The following CCDC172 variants were observed in gnomAD, a reference collection of about 807,000 sequenced individuals.
CCDC172 encodes the protein coiled-coil domain containing 172, also known as coiled-coil domain-containing protein 172.
Under a neutral mutation model 38.0 loss-of-function variants are expected in CCDC172, and 30 were observed. The observed-to-expected ratio is 0.79, with a 90% CI of 0.59 to 1.07. CCDC172 has a LOEUF of 1.07. Ranked by LOEUF, CCDC172 falls within the 50% of genes least tolerant of loss-of-function variation. The pLI, the probability that CCDC172 is intolerant of heterozygous loss-of-function variation, is 0.00. For missense variants in CCDC172, 297 were observed against 290.1 expected (o/e 1.02, Z -0.17); for synonymous variants, 78 against 88.3 (o/e 0.88, Z 0.66).
chr10:116,361,584 T>C (rs1279137374), intron 7 of CCDC172, among the ~76,000 whole-genome samples: 1 of 151,948 alleles, frequency 6.6e-6, no homozygotes, highest in Non-Finnish European at 1.5e-5. Flanking sequence ...GACAGGGCAA[T>C]AAGAACAAAA....
chr10:116,372,553 T>C (rs1167996650), intron 7 of CCDC172, among the ~76,000 whole-genome samples: 3 of 152,168 alleles, frequency 2.0e-5, no homozygotes, highest in Non-Finnish European at 4.4e-5. Flanking sequence ...CTATGTATCC[T>C]CTTCGGTCTG....
At chr10:116,343,815 T>C (rs1844830533) in intron 5 of CCDC172, among the ~76,000 whole-genome samples, 1 of 152,174 alleles carries the variant, frequency 6.6e-6, no homozygotes, top group South Asian at 2.1e-4. Context: ...ATTCTTAAAC[T>C]TCTTGGCCCT....
intron 5 of CCDC172, among the ~76,000 whole-genome samples, chr10:116,344,644 G>C (rs1314057214): frequency 6.6e-6 from 1 of 151,932 alleles, no homozygotes; most frequent in Non-Finnish European, 1.5e-5. Context: ...GTGTATTTAG[G>C]CTACACTAAG....
At chr10:116,357,991 A>G in intron 7 of CCDC172, 53 bp downstream of exon 7, 2 of 938,768 alleles carry the variant, frequency 2.1e-6, no homozygotes, top group Non-Finnish European at 3.4e-6. Flanking sequence ...TTCAAGTTAA[A>G]TAGATTTCAG....
At position 116,325,030 on chromosome 10, in the gene CCDC172, T is replaced by G. The variant is rs766378662; in HGVS notation, c.19T>G (p.Phe7Val). The change falls in exon 2 of 9, where the codon TTT becomes GTT. Residue 7 changes from phenylalanine to valine, a missense_variant. Coordinates refer to ENST00000333254, the MANE Select transcript of CCDC172 (RefSeq NM_198515.3). ...CCCTGAGATGAGCTTGGAGTCCCTG[T>G]TTCAGCACATCATCTTCACCGAGCA... The part of the protein sequence containing the change: MSLESL[F>V]QHIIFTEHQA... 6.2e-7 allele frequency: 1 copy of G among 1,614,094 alleles called. No homozygotes were observed. The highest frequency in any genetic ancestry group is 1.7e-5 in the Admixed American group (1 of 60,026).
At chr10:116,377,422 A>C (rs1165146113) in intron 7 of CCDC172, among the ~76,000 whole-genome samples, 1 of 152,122 alleles carries the variant, frequency 6.6e-6, no homozygotes, top group African/African-American at 2.4e-5. Flanking sequence ...ATAAACTTTA[A>C]CAACTCCAAA....
At chr10:116,352,864 T>C (rs1787903245) in intron 5 of CCDC172, among the ~76,000 whole-genome samples, 1 of 151,848 alleles carries the variant, frequency 6.6e-6, no homozygotes, top group African/African-American at 2.4e-5. Context: ...ATCTCGTATA[T>C]AGAAAACCTA....
chr10:116,374,798 G>A (rs990280371), intron 7 of CCDC172, among the ~76,000 whole-genome samples: 2 of 150,876 alleles, frequency 1.3e-5, no homozygotes, highest in Admixed American at 1.3e-4. Context: ...AATATGCCAA[G>A]TAAAAGACAG....
At chr10:116,348,673 A>C (rs1273685845) in intron 5 of CCDC172, among the ~76,000 whole-genome samples, 1 of 152,102 alleles carries the variant, frequency 6.6e-6, no homozygotes, top group Non-Finnish European at 1.5e-5. Context: ...GTTCTGTTTA[A>C]ATATGGCAAA....
intron 5 of CCDC172, among the ~76,000 whole-genome samples, chr10:116,346,793 G>A (rs1420174971): frequency 2.0e-5 from 3 of 151,996 alleles, no homozygotes. Context: ...CTTTCAGAAA[G>A]TCTGTTTCTA....
chr10:116,328,812 A>G (rs1035436279), intron 3 of CCDC172, among the ~76,000 whole-genome samples: 16 of 152,182 alleles, frequency 1.1e-4, no homozygotes, highest in Non-Finnish European at 2.1e-4. Flanking sequence ...AGGCAAAGTC[A>G]TATCCTTTAG....
At chr10:116,364,329 T>C (rs1242593106) in intron 7 of CCDC172, among the ~76,000 whole-genome samples, 2 of 152,194 alleles carry the variant, frequency 1.3e-5, no homozygotes, top group Non-Finnish European at 2.9e-5. Context: ...AGATGACTTA[T>C]ACATGGCTGG....
chr10:116,348,289 A>C (rs1286866771), intron 5 of CCDC172, among the ~76,000 whole-genome samples: 1 of 152,040 alleles, frequency 6.6e-6, no homozygotes, highest in Non-Finnish European at 1.5e-5. Context: ...CTTACCTGTC[A>C]GTGTTTGCTC....
At chr10:116,325,985 C>T (rs1277859528) in intron 3 of CCDC172, among the ~76,000 whole-genome samples, 2 of 152,138 alleles carry the variant, frequency 1.3e-5, no homozygotes, top group Non-Finnish European at 2.9e-5. Flanking sequence ...AGGAGGAAAG[C>T]GTTCCAGACA....
chr10:116,346,070 G>A (rs917934436), intron 5 of CCDC172, among the ~76,000 whole-genome samples: 8 of 151,850 alleles, frequency 5.3e-5, no homozygotes, highest in African/African-American at 7.3e-5. Flanking sequence ...CGAGGTGGGC[G>A]GATCACAAGG....
At chr10:116,362,671 T>G (rs1845078817) in intron 7 of CCDC172, among the ~76,000 whole-genome samples, 1 of 152,222 alleles carries the variant, frequency 6.6e-6, no homozygotes. Context: ...CTCAAAATAT[T>G]AGTCAAATAG....
At chr10:116,326,871 C>G (rs1182750408) in intron 3 of CCDC172, among the ~76,000 whole-genome samples, 1 of 152,176 alleles carries the variant, frequency 6.6e-6, no homozygotes, top group Non-Finnish European at 1.5e-5. Flanking sequence ...TCAGTGAGAT[C>G]CTTCCTCCTG....
At chr10:116,357,009 C>T (rs1845004930) in intron 5 of CCDC172, among the ~76,000 whole-genome samples, 1 of 152,078 alleles carries the variant, frequency 6.6e-6, no homozygotes, top group Non-Finnish European at 1.5e-5. Context: ...TAGATTTTTA[C>T]TACATGAGAA....
Position 116,342,058 on chromosome 10 carries a change from T to C in CCDC172, c.305T>C (p.Ile102Thr), listed in dbSNP as rs1286614621. Residue 102 changes from isoleucine (I) to threonine (T), a missense_variant, in exon 5 of 9, where the codon ATA (isoleucine) becomes ACA (threonine). Transcript: ENST00000333254. Reference sequence around the variant, plus strand: ...CAGGAGGCTATAAAGAAACAAATGATAGAGGAGGAAGACAAATTTATTAAG... The same window carrying C: ...CAGGAGGCTATAAAGAAACAAATGACAGAGGAGGAAGACAAATTTATTAAG... ...QTFEAIKKQM[I>T]EEEDKFIKEI... 2.6e-6 allele frequency: 4 copies of C among 1,519,378 alleles called. 1 individual carries two copies. The highest frequency in any genetic ancestry group is 2.9e-5 in the African/African-American group (2 of 69,050). 94.1% of individuals were successfully genotyped at this position (1,519,378 alleles called of 1,614,324 possible).
Sources: gnomAD v4.1 joint callset for allele counts (sites outside exome capture counted in the v4.1 genomes callset) on GRCh38, gnomAD v4.1.1 for gene constraint, MANE v1.5 for transcripts, NCBI Gene and HGNC (gene_info 2026-07-23, HGNC 2026-07-21) for gene names.